The following FER1L6 variants were observed in gnomAD, a reference collection of about 807,000 sequenced individuals.
FER1L6 encodes fer-1 like family member 6, also known as fer-1-like protein 6.
FER1L6 carries 177 observed loss-of-function variants against 219.2 expected under a neutral mutation model. The observed-to-expected ratio is 0.81, with a 90% CI of 0.71 to 0.91. The LOEUF (loss-of-function observed/expected upper bound fraction) is 0.91, where lower values mean the gene tolerates loss of function less well. FER1L6 is among the 40% of genes least tolerant of loss of function. The probability of loss-of-function intolerance (pLI) is 0.00; values close to 1 mark genes in which losing one functional copy is unlikely to be tolerated. For synonymous variants in FER1L6, 768 were observed against 824.3 expected (o/e 0.93, Z 1.17); for missense variants, 2,153 against 2,259.9 (o/e 0.95, Z 0.96).
intron 24 of FER1L6, 90 bp from the exon 25 acceptor site, chr8:124,061,762 G>A (rs1820590322): frequency 2.3e-6 from 3 of 1,287,784 alleles, no homozygotes; most frequent in African/African-American, 1.5e-5. Flanking sequence ...TGGCAAGGCA[G>A]AGACAAGGGA....
intron 32 of FER1L6, among the ~76,000 whole-genome samples, chr8:124,078,192 G>A (rs1433422045): frequency 2.6e-5 from 4 of 152,176 alleles, no homozygotes; most frequent in East Asian, 3.9e-4. Flanking sequence ...CAGATGGATG[G>A]ATGGATGGAT....
intron 1 of FER1L6, among the ~76,000 whole-genome samples, chr8:123,929,966 G>GTT (rs11390460): frequency 0.057 from 8,236 of 144,486 alleles, 768 homozygotes; most frequent in African/African-American, 0.2. Context: ...AGATGGCACT[G>GTT]TTTTTTTTTT....
intron 12 of FER1L6, among the ~76,000 whole-genome samples, chr8:123,990,044 G>A (rs1364515432): frequency 4.6e-5 from 7 of 152,098 alleles, no homozygotes; most frequent in South Asian, 2.1e-4. Context: ...CGAGGTGGGC[G>A]GATCACGAGG....
At chr8:123,866,640 C>T (rs189702752) in intron 1 of FER1L6, among the ~76,000 whole-genome samples, 12 of 152,248 alleles carry the variant, frequency 7.9e-5, no homozygotes, top group African/African-American at 2.9e-4. Flanking sequence ...TCTCCACATC[C>T]TTGCCAACAC....
intron 19 of FER1L6, chr8:124,036,454 C>T (rs1458805399): frequency 6.6e-6 from 1 of 152,190 alleles, no homozygotes; most frequent in Non-Finnish European, 1.5e-5. Flanking sequence ...TTTCTCAAAT[C>T]AACCCTGGGA....
At chr8:124,066,374 A>G in intron 26 of FER1L6, 54 bp from the exon 27 acceptor site, 2 of 1,583,422 alleles carry the variant, frequency 1.3e-6, no homozygotes, top group Non-Finnish European at 1.7e-6. Flanking sequence ...GTTGACCATC[A>G]GCATGCAGCC....
intron 1 of FER1L6, among the ~76,000 whole-genome samples, chr8:123,895,863 A>C (rs1415690072): frequency 6.6e-6 from 1 of 152,142 alleles, no homozygotes; most frequent in Non-Finnish European, 1.5e-5. Flanking sequence ...ATTTACAAAG[A>C]GTGTTATTGA....
chr8:123,920,209 G>C (rs1409007299), intron 1 of FER1L6, among the ~76,000 whole-genome samples: 5 of 152,158 alleles, frequency 3.3e-5, no homozygotes, highest in Non-Finnish European at 5.9e-5. Context: ...AACTCCACTG[G>C]AGCAAGTGGA....
chr8:124,008,789 A>G (rs951997900), intron 13 of FER1L6, among the ~76,000 whole-genome samples: 7 of 152,106 alleles, frequency 4.6e-5, no homozygotes, highest in Admixed American at 2.6e-4. Flanking sequence ...AAGAAAAAAA[A>G]CTCATCAAAA....
At chr8:124,015,571 CTATATATATATATATATATATATA>C (rs781161909) in intron 15 of FER1L6, among the ~76,000 whole-genome samples, 22 of 43,266 alleles carry the variant, frequency 5.1e-4, no homozygotes, top group Middle Eastern at 0.036. Flanking sequence ...ATTATAAAAG[CTATATATATATATATATATATATA>C]TATATATATA....
At chr8:123,905,928 G>A (rs1421758876) in intron 1 of FER1L6, among the ~76,000 whole-genome samples, 2 of 152,138 alleles carry the variant, frequency 1.3e-5, no homozygotes, top group African/African-American at 2.4e-5. Flanking sequence ...AAAGCAATAC[G>A]GGGTTTTTTG....
Position 123,966,452 on chromosome 8 carries a change from A to G in FER1L6, c.384+162A>G, listed in dbSNP as rs76706186. 1.4e-4 allele frequency among the ~76,000 whole-genome samples: 21 copies of G among 152,306 alleles called. No homozygotes were observed. The East Asian group carries it at 4.1e-3, about 29-fold the overall frequency. ...ATTCTTCTTACAAACACAGCCCCCT[A>G]AAGCTTTTCACAAAAGGGTAGTGGA... On this transcript the variant is annotated intron_variant, in intron 5 of 40. Transcript: ENST00000522917.
chr8:123,870,512 G>A (rs1461150375), intron 1 of FER1L6, among the ~76,000 whole-genome samples: 1 of 152,194 alleles, frequency 6.6e-6, no homozygotes, highest in Non-Finnish European at 1.5e-5. Context: ...ACAAAGAAAT[G>A]TATACATCTT....
chr8:124,084,718 A>ATATT (rs1202748939), intron 33 of FER1L6, among the ~76,000 whole-genome samples: 1 of 152,042 alleles, frequency 6.6e-6, no homozygotes, highest in Non-Finnish European at 1.5e-5. Context: ...TTCATCAGGG[A>ATATT]TATTTGCCTA....
At position 124,076,325 on chromosome 8, in the gene FER1L6, G is replaced by C. The variant is rs1017516907; in HGVS notation, c.4220G>C (p.Arg1407Thr). ...IPKQLNPVFGRSFEIQATFPK... is the reference protein window; with the variant it reads ...IPKQLNPVFGTSFEIQATFPK... The stretch of plus-strand genomic sequence containing the variant: ...AAACAACTGAACCCAGTATTTGGAA[G>C]GTCAGTGGCCATCTGGGCTGTGTTT... The change falls in exon 32 of 41, where the codon AGG (arginine) becomes ACG (threonine). Residue 1407 changes from arginine to threonine, a missense_variant and splice_region_variant. Coordinates refer to ENST00000522917, the MANE Select transcript of FER1L6 (RefSeq NM_001039112.2). 1.9e-5 allele frequency: 30 copies of C among 1,613,164 alleles called. No individual in the cohort carries two copies. The Admixed American group carries it at 4.2e-4, about 22-fold the overall frequency.
chr8:123,991,624 A>G (rs1457708116), intron 12 of FER1L6, among the ~76,000 whole-genome samples: 1 of 152,130 alleles, frequency 6.6e-6, no homozygotes, highest in Non-Finnish European at 1.5e-5. Flanking sequence ...GTATATCATC[A>G]TATCATTAGC....
intron 3 of FER1L6, among the ~76,000 whole-genome samples, chr8:123,964,206 T>TAC (rs1486857735): frequency 6.6e-6 from 1 of 150,898 alleles, no homozygotes; most frequent in Non-Finnish European, 1.5e-5. Flanking sequence ...GACTAAAAGT[T>TAC]ACGGGGCAAC....
intron 1 of FER1L6, among the ~76,000 whole-genome samples, chr8:123,926,138 T>C (rs1813554562): frequency 6.6e-6 from 1 of 152,204 alleles, no homozygotes; most frequent in African/African-American, 2.4e-5. Flanking sequence ...ATATTCAAAT[T>C]TGGTGACGTG....
chr8:123,932,448 G>A (rs1015962908), intron 1 of FER1L6, among the ~76,000 whole-genome samples: 14 of 152,100 alleles, frequency 9.2e-5, no homozygotes, highest in African/African-American at 3.4e-4. Context: ...TAAGGCATGT[G>A]TTACTCATTT....
Sources: gnomAD v4.1 joint callset for allele counts (sites outside exome capture counted in the v4.1 genomes callset) on GRCh38, gnomAD v4.1.1 for gene constraint, MANE v1.5 for transcripts, NCBI Gene and HGNC (gene_info 2026-07-23, HGNC 2026-07-21) for gene names.